MYO9A: variants seen among roughly 807,000 people sequenced by gnomAD.
MYO9A encodes unconventional myosin-IXa.
In MYO9A, 103 loss-of-function variants were observed where a neutral mutation model predicts 293.3. That is an observed-to-expected ratio of 0.35 (90% confidence interval 0.30 to 0.41). The LOEUF is 0.41. MYO9A is among the 10% of genes least tolerant of loss of function. The pLI, the probability that MYO9A is intolerant of heterozygous loss-of-function variation, is 1.00. For synonymous variants in MYO9A, 1,001 were observed against 1,035.7 expected, an observed-to-expected ratio of 0.97 and a Z score of 0.64; for missense variants, 2,685 against 3,033.0, an observed-to-expected ratio of 0.89 and a Z score of 2.69.
At chr15:71,904,518 T>C (rs2057574976) in intron 20 of MYO9A, among the ~76,000 whole-genome samples, 1 of 152,156 alleles carries the variant, frequency 6.6e-6, no homozygotes, top group Admixed American at 6.5e-5. Flanking sequence ...CCGGGCGTGG[T>C]GGTGCACACC....
chr15:72,085,586 T>A (rs1470118292), intron 1 of MYO9A, among the ~76,000 whole-genome samples: 1 of 152,156 alleles, frequency 6.6e-6, no homozygotes. Context: ...ATCTCTATGA[T>A]CTTCGTTCCT....
At chr15:72,075,996 G>A (rs1032948697) in intron 1 of MYO9A, among the ~76,000 whole-genome samples, 1 of 152,040 alleles carries the variant, frequency 6.6e-6, no homozygotes, top group Non-Finnish European at 1.5e-5. Context: ...ATGAAGACTG[G>A]AGGAAGAATT....
At chr15:71,969,381 T>C (rs1425819779) in intron 12 of MYO9A, among the ~76,000 whole-genome samples, 2 of 152,236 alleles carry the variant, frequency 1.3e-5, no homozygotes, top group African/African-American at 4.8e-5. Context: ...ACAGCTCCTA[T>C]AACAGTCTCA....
Position 71,933,681 on chromosome 15 carries a change from C to T in MYO9A, c.2551G>A (p.Ala851Thr). ...TRNKNFKSKP[A>T]LPKHLLEVNS... ...TTCATAGTACTCACCTTTGGAAGGG[C>T]AGGCTTGGATTTGAAATTTTTGTTT... is the stretch of plus-strand genomic sequence containing the variant. Residue 851 changes from alanine (A) to threonine (T), a missense_variant, in exon 18 of 42, where the codon GCC (alanine) becomes ACC (threonine). This residue lies in a region of MYO9A where 1,434 missense variants were observed against 1,497.7 expected (regional missense o/e 0.96). Coordinates refer to ENST00000356056, the MANE Select transcript of MYO9A (RefSeq NM_006901.4). 1 of 1,607,030 alleles carries T rather than the reference C, an allele frequency of 6.2e-7. No homozygotes were observed. The highest frequency in any genetic ancestry group is 8.5e-7 in the Non-Finnish European group (1 of 1,177,202).
intron 28 of MYO9A, 80 bp from the exon 29 acceptor site, chr15:71,880,638 C>G: frequency 7.9e-7 from 1 of 1,270,114 alleles, no homozygotes; most frequent in East Asian, 2.3e-5. Context: ...TTTTAAAGTT[C>G]CTTTAACAAG....
chr15:71,859,926 T>C, intron 33 of MYO9A, 130 bp from the exon 34 acceptor site: 1 of 666,076 alleles, frequency 1.5e-6, no homozygotes. Flanking sequence ...ATGACATACA[T>C]ACTTTGTACA....
In MYO9A at chr15:71,825,168, T is replaced by C. The variant is rs1364629508; in HGVS notation, c.*1412A>G. ...AAAAACAGATTTCTAATCCCACAAA[T>C]GCTAAGATACTTAAAATGCTATTAT... On this transcript the variant is annotated 3_prime_UTR_variant, in exon 42 of 42. Transcript: ENST00000356056. 6.6e-6 allele frequency: 1 copy of C among 152,166 alleles called. No individual in the cohort carries two copies. Among genetic ancestry groups the C allele is most frequent in the Admixed American group, 6.5e-5 (1 of 15,278 alleles). The allele number at this position is 152,166 out of a possible 1,614,324, so 9.4% of individuals were successfully genotyped here. A position where few individuals can be genotyped will look rare whatever the true frequency, so the allele number is the denominator to read the frequency against.
rs78314454 is a variant in MYO9A, at chr15:72,046,123, G to A, written c.441C>T (p.Asp147=). 5.0e-5 allele frequency: 81 copies of A among 1,614,118 alleles called. 1 individual carries two copies. In the African/African-American group the frequency reaches 1.1e-3, roughly 21 times the overall value. The change falls in exon 2 of 42, where the codon GAC becomes GAT. Residue 147 remains aspartate (D), a synonymous_variant. Transcript: ENST00000356056. ...CAGGTAAACTACATAAATCATCAAA[G>A]TCTTTCTGTTGAGGCTGTGGAAGAA... ...RGFLPQPQQK[D]FDDLCSLPDL...
In MYO9A at chr15:72,086,748, TG is replaced by T. The variant is rs1431161830; in HGVS notation, c.-72+30931del. ...TGGTGCATATCCACCGGGGCTGTTT[TG>T]TTTTTTTTGTTGTTTTTGTTGTTGT... is the stretch of plus-strand genomic sequence containing the variant. On this transcript the variant is annotated intron_variant, in intron 1 of 41. Transcript: ENST00000356056. 2.1e-3 allele frequency among the ~76,000 whole-genome samples: 26 copies of T among 12,330 alleles called. No homozygotes were observed. The Non-Finnish European group carries it at 0.08, about 38-fold the overall frequency. 8.1% of individuals were successfully genotyped at this position (12,330 alleles called of 152,430 possible).
intron 15 of MYO9A, among the ~76,000 whole-genome samples, chr15:71,951,303 T>G (rs899943162): frequency 6.6e-6 from 1 of 152,202 alleles, no homozygotes; most frequent in East Asian, 1.9e-4. Flanking sequence ...CAAAACTTTT[T>G]GGGAATGCTG....
chr15:71,888,950 A>G (rs988395535), intron 26 of MYO9A, among the ~76,000 whole-genome samples: 1 of 152,206 alleles, frequency 6.6e-6, no homozygotes, highest in African/African-American at 2.4e-5. Flanking sequence ...ATGAAACCGC[A>G]ATGTTTAAAA....
At chr15:72,092,910 TACAC>T (rs59999448) in intron 1 of MYO9A, among the ~76,000 whole-genome samples, 1,561 of 141,946 alleles carry the variant, frequency 0.011, 11 homozygotes, top group African/African-American at 0.022. Context: ...CCACCTTACT[TACAC>T]ACACACACAC....
chr15:71,852,167 G>C lies in MYO9A; in HGVS notation c.6440C>G (p.Thr2147Ser). The part of the protein sequence containing the change: ...WLRDLPNPLM[T>S]FELYEEFLRA... ...AAGAAATTCCTCATAGAGTTCAAAGGTCATGAGAGGATTGGGCAAATCTCG... is the reference window on the plus strand; with the variant it reads ...AAGAAATTCCTCATAGAGTTCAAAGCTCATGAGAGGATTGGGCAAATCTCG... The change falls in exon 36 of 42, where the codon ACC becomes AGC. Residue 2147 changes from threonine (T) to serine (S), a missense_variant. Thr to Ser is a moderately conservative substitution (Grantham distance 58). Transcript: ENST00000356056. 1 of 1,613,802 alleles carries C rather than the reference G, an allele frequency of 6.2e-7. No individual in the cohort carries two copies. Among genetic ancestry groups the C allele is most frequent in the South Asian group, 1.1e-5 (1 of 91,042 alleles).
In MYO9A at chr15:72,117,748, CCCA is replaced by C. The variant is rs1325338710; in HGVS notation, c.-143_-141del. ...ACGGAAGCTGCCTTCCACCCTCCGCCCCAGGGTAGGACCGGAGATGGCAGAAGA... is the reference window on the plus strand; with the variant it reads ...ACGGAAGCTGCCTTCCACCCTCCGCCGGGTAGGACCGGAGATGGCAGAAGA... On this transcript the variant is annotated 5_prime_UTR_variant, in exon 1 of 42. Transcript: ENST00000356056. 5 of 397,958 alleles carry C rather than the reference CCCA, an allele frequency of 1.3e-5. No homozygotes were observed. In the East Asian group the frequency reaches 1.4e-4, roughly 11 times the overall value. The allele number at this position is 397,958 out of a possible 1,614,324, so 24.7% of individuals were successfully genotyped here.
chr15:72,109,680 G>A (rs1035094721), intron 1 of MYO9A, among the ~76,000 whole-genome samples: 5 of 152,086 alleles, frequency 3.3e-5, no homozygotes, highest in African/African-American at 1.2e-4. Flanking sequence ...CTTGAGGTCA[G>A]CAGTTTGAGA....
In MYO9A at chr15:72,113,752, C is replaced by T. The variant is rs370434158; in HGVS notation, c.-72+3928G>A. The stretch of plus-strand genomic sequence containing the variant: ...TATATACATACAAACACACAGCCAA[C>T]AATAAATGGCCAAGAGTGGTGACAT... On this transcript the variant is annotated intron_variant, in intron 1 of 41. Transcript: ENST00000356056. 8.5e-5 allele frequency among the ~76,000 whole-genome samples: 13 copies of T among 152,202 alleles called. No individual in the cohort carries two copies. The East Asian group carries it at 2.5e-3, about 29-fold the overall frequency.
At chr15:71,841,131 G>C (rs1487221227) in intron 39 of MYO9A, among the ~76,000 whole-genome samples, 1 of 152,022 alleles carries the variant, frequency 6.6e-6, no homozygotes, top group African/African-American at 2.4e-5. Context: ...TCATCTTTAA[G>C]TTCCTTCATT....
chr15:72,070,958 G>T (rs896296655), intron 1 of MYO9A, among the ~76,000 whole-genome samples: 4 of 152,094 alleles, frequency 2.6e-5, no homozygotes, highest in Non-Finnish European at 5.9e-5. Context: ...ATCCTAGGAG[G>T]AAACTAGAAA....
At chr15:71,906,940 CTTTT>C (rs1164013567) in intron 19 of MYO9A, among the ~76,000 whole-genome samples, 1 of 137,044 alleles carries the variant, frequency 7.3e-6, no homozygotes, top group Non-Finnish European at 1.6e-5. Flanking sequence ...TTTTTTTTTT[CTTTT>C]TTTTTTTTAT....
Sources: gnomAD v4.1 joint callset for allele counts (sites outside exome capture counted in the v4.1 genomes callset) on GRCh38, gnomAD v4.1.1 for gene constraint, gnomAD v4.1.1 regional missense constraint, MANE v1.5 for transcripts, NCBI Gene and HGNC (gene_info 2026-07-23, HGNC 2026-07-21) for gene names.